The following DIXDC1 variants were observed in gnomAD, a reference collection of about 807,000 sequenced individuals.
DIXDC1 encodes DIX domain containing 1.
In DIXDC1, 64 loss-of-function variants were observed where a neutral mutation model predicts 103.1. That is an observed-to-expected ratio of 0.62 (90% CI 0.51 to 0.76). The LOEUF (loss-of-function observed/expected upper bound fraction) is 0.76, where lower values mean the gene tolerates loss of function less well. DIXDC1 is among the 30% of genes least tolerant of loss of function. The pLI, the probability that DIXDC1 is intolerant of heterozygous loss-of-function variation, is 0.00. For synonymous variants in DIXDC1, 266 were observed against 298.5 expected (o/e 0.89, Z 1.12); for missense variants, 759 against 834.2 (o/e 0.91, Z 1.11).
At chr11:111,969,073 C>T (rs1184706026) in intron 3 of DIXDC1, among the ~76,000 whole-genome samples, 6 of 151,628 alleles carry the variant, frequency 4.0e-5, no homozygotes, top group Non-Finnish European at 5.9e-5. Context: ...GCCATTGTGC[C>T]CGGGCATTCA....
In DIXDC1 at chr11:112,020,168, G is replaced by C. The variant is rs1462790421; in HGVS notation, c.*1132G>C. ...CATTTCTGATGTGCAACATTGTCAA[G>C]TGAAGAAGCTAACAGTTCAACTACC... is the stretch of plus-strand genomic sequence containing the variant. On this transcript the variant is annotated 3_prime_UTR_variant, in exon 20 of 20. Transcript: ENST00000440460. The C allele has an allele frequency of 6.6e-6, 1 of 152,588 alleles. No homozygotes were observed. The highest frequency in any genetic ancestry group is 2.1e-4 in the South Asian group (1 of 4,828). 9.5% of individuals were successfully genotyped at this position (152,588 alleles called of 1,614,324 possible).
At chr11:111,973,992 T>TGTTTTATTCTTGGTCC in intron 3 of DIXDC1, 31 bp from the exon 4 acceptor site, 2 of 1,608,090 alleles carry the variant, frequency 1.2e-6, no homozygotes, top group East Asian at 4.5e-5. Flanking sequence ...CCTCTTGGTC[T>TGTTTTATTCTTGGTCC]GTTTTATTCT....
upstream of DIXDC1, among the ~76,000 whole-genome samples, chr11:111,936,824 C>T (rs587732384): frequency 6.6e-6 from 1 of 150,948 alleles, no homozygotes; most frequent in East Asian, 2.0e-4. Context: ...TCTGGTGGGC[C>T]GTTTGTGGCC....
intron 17 of DIXDC1, among the ~76,000 whole-genome samples, chr11:111,996,760 G>T (rs184689515): frequency 3.9e-3 from 590 of 152,312 alleles, no homozygotes; most frequent in African/African-American, 0.013. Flanking sequence ...TGAGGCAAGA[G>T]AATCACTTGA....
At chr11:111,965,976 T>C (rs926245132) in intron 2 of DIXDC1, among the ~76,000 whole-genome samples, 3 of 152,162 alleles carry the variant, frequency 2.0e-5, no homozygotes, top group Non-Finnish European at 4.4e-5. Flanking sequence ...CATGGACTAG[T>C]AGGAAATCCA....
Position 112,019,894 on chromosome 11 carries a change from T to C in DIXDC1, c.*858T>C, listed in dbSNP as rs1470930312. On this transcript the variant is annotated 3_prime_UTR_variant, in exon 20 of 20. Coordinates refer to ENST00000440460, the MANE Select transcript of DIXDC1 (RefSeq NM_001037954.4). ...TGCTACCCATATCTTTTTGACTTTCTTTGTTTCATGACTTTAACTCATGGC... is the reference window on the plus strand; with the variant it reads ...TGCTACCCATATCTTTTTGACTTTCCTTGTTTCATGACTTTAACTCATGGC... The C allele has an allele frequency of 6.6e-6, 1 of 152,224 alleles. No individual in the cohort carries two copies. Among genetic ancestry groups the C allele is most frequent in the Non-Finnish European group, 1.5e-5 (1 of 68,046 alleles). The allele number at this position is 152,224 out of a possible 1,614,324, so 9.4% of individuals were successfully genotyped here.
At position 111,965,462 on chromosome 11, in the gene DIXDC1, A is replaced by C. The variant is rs1592572260; in HGVS notation, c.190+784A>C. 2.0e-5 allele frequency among the ~76,000 whole-genome samples: 3 copies of C among 152,294 alleles called. No homozygotes were observed. The East Asian group carries it at 5.8e-4, about 29-fold the overall frequency. ...ACATTAGTTAGCTGATTTTGCTTTG[A>C]GTTCTTGAGGGATATAGGACCTGCA... On this transcript the variant is annotated intron_variant, in intron 2 of 19. Coordinates refer to ENST00000440460, the MANE Select transcript of DIXDC1 (RefSeq NM_001037954.4).
chr11:112,014,875 A>C (rs925211827), intron 17 of DIXDC1, among the ~76,000 whole-genome samples: 10 of 152,070 alleles, frequency 6.6e-5, no homozygotes, highest in Admixed American at 4.6e-4. Context: ...TGTAGGTTAC[A>C]ATAATTGGCA....
chr11:111,981,317 T>C (rs1188379210), intron 6 of DIXDC1, among the ~76,000 whole-genome samples: 8 of 152,220 alleles, frequency 5.3e-5, no homozygotes, highest in African/African-American at 1.7e-4. Flanking sequence ...AAGAGTTCCC[T>C]TTGTTTAGAC....
intron 1 of DIXDC1, among the ~76,000 whole-genome samples, chr11:111,939,460 G>C (rs1182206650): frequency 1.3e-5 from 2 of 152,126 alleles, no homozygotes; most frequent in Non-Finnish European, 2.9e-5. Context: ...TAATGCAGTA[G>C]TGCCTCTTTT....
At chr11:111,955,757 C>A (rs1555170508) in intron 1 of DIXDC1, among the ~76,000 whole-genome samples, 1 of 145,142 alleles carries the variant, frequency 6.9e-6, no homozygotes, top group African/African-American at 2.6e-5. Context: ...ATTGCTCGAA[C>A]CTGGAGGTAG....
intron 11 of DIXDC1, 143 bp downstream of exon 11, chr11:111,992,662 C>A: frequency 1.3e-6 from 1 of 756,592 alleles, no homozygotes; most frequent in Non-Finnish European, 2.1e-6. Context: ...TATTTTTATT[C>A]CCCATTAGAC....
At chr11:111,937,634 C>T (rs782392735) in intron 1 of DIXDC1, 75 bp downstream of exon 1, 6 of 1,448,250 alleles carry the variant, frequency 4.1e-6, no homozygotes, top group Non-Finnish European at 5.7e-6. Context: ...AAGGGGTCCT[C>T]CTCCTCCTCC....
At position 111,980,862 on chromosome 11, in the gene DIXDC1, C is replaced by T. The variant is rs145331507; in HGVS notation, c.769+13C>T. The T allele has an allele frequency of 3.7e-5, 60 of 1,604,944 alleles. No homozygotes were observed. Among genetic ancestry groups the T allele is most frequent in the Middle Eastern group, 1.7e-4 (1 of 6,048 alleles). ...GAGAACAGAACAGGTACTATCTCTA[C>T]GCCTGCCTGGGCTGGTTCAAGGAAC... On this transcript the variant is annotated intron_variant, in intron 6 of 19. Coordinates refer to ENST00000440460, the MANE Select transcript of DIXDC1 (RefSeq NM_001037954.4).
intron 17 of DIXDC1, among the ~76,000 whole-genome samples, chr11:112,013,321 T>TGGGGGGGGGG (rs1403269609): frequency 1.2e-3 from 43 of 35,704 alleles, no homozygotes; most frequent in East Asian, 2.3e-3. Flanking sequence ...GGTCGGGGGG[T>TGGGGGGGGGG]GGGGGTGGGG....
chr11:111,968,746 CATTTT>C (rs1859816307), intron 3 of DIXDC1, 108 bp downstream of exon 3: 2 of 1,192,314 alleles, frequency 1.7e-6, no homozygotes, highest in Admixed American at 3.3e-5. Flanking sequence ...AGTCTCCATT[CATTTT>C]ATTTTATTTT....
chr11:112,000,856 A>G (rs1555175915), intron 17 of DIXDC1, among the ~76,000 whole-genome samples: 1 of 152,214 alleles, frequency 6.6e-6, no homozygotes, highest in East Asian at 1.9e-4. Flanking sequence ...GAGAAGTTGG[A>G]ACTGTCATAC....
At chr11:111,999,482 C>T (rs1460273571) in intron 17 of DIXDC1, among the ~76,000 whole-genome samples, 3 of 152,150 alleles carry the variant, frequency 2.0e-5, no homozygotes, top group African/African-American at 7.2e-5. Flanking sequence ...CTATAAAGTT[C>T]TTAGAAGAAA....
chr11:111,978,861 A>G (rs1196611329), intron 5 of DIXDC1, among the ~76,000 whole-genome samples: 4 of 152,216 alleles, frequency 2.6e-5, no homozygotes, highest in African/African-American at 9.6e-5. Context: ...AAGAAGGTAA[A>G]TGCTGAGGCC....
Sources: allele counts gnomAD v4.1 joint callset (sites outside exome capture counted in the v4.1 genomes callset), GRCh38; gene constraint gnomAD v4.1.1; transcripts MANE v1.5; gene names NCBI Gene and HGNC (gene_info 2026-07-23, HGNC 2026-07-21).